The following LRBA variants were observed in gnomAD, a reference collection of about 807,000 sequenced individuals.
LRBA encodes the protein LPS responsive beige-like anchor protein.
In LRBA, 176 loss-of-function variants were observed where a neutral mutation model predicts 330.0. The ratio of observed to expected loss-of-function variants is 0.53; its 90% CI spans 0.47 to 0.60. The LOEUF (loss-of-function observed/expected upper bound fraction) is 0.60. Among genes scored for constraint, LRBA ranks in the 20% least tolerant of loss-of-function variants. The pLI is 0.00. For synonymous variants in LRBA, 1,230 were observed against 1,193.0 expected (o/e 1.03, Z -0.64); for missense variants, 3,259 against 3,444.8 (o/e 0.95, Z 1.35).
At chr4:150,693,550 C>T (rs1302591881) in intron 36 of LRBA, among the ~76,000 whole-genome samples, 2 of 110,590 alleles carry the variant, frequency 1.8e-5, no homozygotes, top group Admixed American at 1.1e-4. Context: ...GGTGACAGAG[C>T]GAGACTCCGT....
chr4:150,361,432 A>G (rs1738678821), intron 47 of LRBA, among the ~76,000 whole-genome samples: 1 of 152,074 alleles, frequency 6.6e-6, no homozygotes, highest in African/African-American at 2.4e-5. Flanking sequence ...CAGGCACACC[A>G]CTGAAAATGT....
intron 17 of LRBA, among the ~76,000 whole-genome samples, chr4:150,884,981 A>C (rs1323078206): frequency 6.6e-6 from 1 of 152,126 alleles, no homozygotes; most frequent in Non-Finnish European, 1.5e-5. Flanking sequence ...GACCAAATGG[A>C]AATTCTAGAG....
At position 150,282,513 on chromosome 4, in the gene LRBA, G is replaced by A; in HGVS notation, c.8253C>T (p.Leu2751=). The A allele has an allele frequency of 6.2e-7, 1 of 1,614,148 alleles. No homozygotes were observed. Among genetic ancestry groups the A allele is most frequent in the African/African-American group, 1.3e-5 (1 of 75,046 alleles). The change falls in exon 55 of 57, where the codon CTC becomes CTT. Residue 2751 remains leucine (L), a synonymous_variant. Coordinates refer to ENST00000651943, the MANE Select transcript of LRBA (RefSeq NM_001364905.1). ...TTCCATTCACACTGAATGTACAGAA[G>A]AGGCCGTTTTCATAGAATATGACAC... is the stretch of plus-strand genomic sequence containing the variant. ...GHCVIFYENG[L]FCTFSVNGKL... is the part of the protein sequence containing the mutation.
rs765586022 is a variant in LRBA, at chr4:150,852,197, A to G, written c.3513T>C (p.Thr1171=). 1.7e-5 allele frequency: 27 copies of G among 1,614,128 alleles called. No individual in the cohort carries two copies. The highest frequency in any genetic ancestry group is 5.0e-5 in the Admixed American group (3 of 60,020). The change falls in exon 23 of 57, where the codon ACT becomes ACC. Residue 1171 remains threonine, a synonymous_variant. Coordinates refer to ENST00000651943, the MANE Select transcript of LRBA (RefSeq NM_001364905.1). The stretch of plus-strand genomic sequence containing the variant: ...GAATTCCAGAATCTTTAGAATCTTG[A>G]GTTTCAGTATCAGTTTGCTTTTCAG... The part of the protein sequence containing the change: ...PVTEKQTDTE[T]QDSKDSGIQT...
chr4:150,914,432 T>C (rs1207207953), intron 8 of LRBA, 91 bp from the exon 9 acceptor site: 4 of 857,698 alleles, frequency 4.7e-6, no homozygotes, highest in Non-Finnish European at 5.1e-6. Context: ...GTTTTGTCCA[T>C]TCTAAACTGT....
chr4:150,592,776 T>C (rs768750310), intron 38 of LRBA, among the ~76,000 whole-genome samples: 9 of 152,150 alleles, frequency 5.9e-5, no homozygotes, highest in Non-Finnish European at 1.2e-4. Flanking sequence ...CACAGGTGCT[T>C]GCCACCATGC....
At chr4:150,327,474 G>A (rs1733441599) in intron 48 of LRBA, among the ~76,000 whole-genome samples, 1 of 152,134 alleles carries the variant, frequency 6.6e-6, no homozygotes, top group Non-Finnish European at 1.5e-5. Flanking sequence ...CTTGACAGTT[G>A]CCTTCTGTGG....
At chr4:151,007,532 G>A (rs1379039284) in intron 2 of LRBA, among the ~76,000 whole-genome samples, 4 of 148,334 alleles carry the variant, frequency 2.7e-5, no homozygotes, top group African/African-American at 9.9e-5. Context: ...AAAAAAAATG[G>A]CACTCTTAAC....
chr4:150,435,764 T>G, intron 45 of LRBA, 56 bp from the exon 46 acceptor site: 1 of 1,460,754 alleles, frequency 6.8e-7, no homozygotes, highest in Non-Finnish European at 9.3e-7. Flanking sequence ...AAAATGTGGT[T>G]TTTATAAATT....
intron 29 of LRBA, among the ~76,000 whole-genome samples, chr4:150,831,528 G>C (rs950821237): frequency 6.6e-6 from 1 of 152,092 alleles, no homozygotes; most frequent in Non-Finnish European, 1.5e-5. Context: ...TAGAATATGA[G>C]TTAGTGATTC....
intron 47 of LRBA, among the ~76,000 whole-genome samples, chr4:150,394,582 T>C (rs1232794918): frequency 2.0e-5 from 3 of 152,112 alleles, no homozygotes; most frequent in African/African-American, 7.2e-5. Context: ...AAAGTACAAC[T>C]GTGATGTCAT....
At chr4:150,544,302 A>G (rs1442749928) in intron 40 of LRBA, among the ~76,000 whole-genome samples, 2 of 151,836 alleles carry the variant, frequency 1.3e-5, no homozygotes, top group East Asian at 1.9e-4. Flanking sequence ...TAATTTTTGT[A>G]TTTTTAGTAG....
At chr4:150,292,231 T>A (rs539948373) in intron 53 of LRBA, among the ~76,000 whole-genome samples, 1 of 152,306 alleles carries the variant, frequency 6.6e-6, no homozygotes, top group South Asian at 2.1e-4. Flanking sequence ...GAGAAGAATA[T>A]TTCATAAGGC....
At chr4:150,392,423 CTTATA>C (rs1304974585) in intron 47 of LRBA, among the ~76,000 whole-genome samples, 1 of 152,118 alleles carries the variant, frequency 6.6e-6, no homozygotes, top group Non-Finnish European at 1.5e-5. Flanking sequence ...GCTGTTTCTT[CTTATA>C]AGAGCACTAA....
intron 44 of LRBA, among the ~76,000 whole-genome samples, chr4:150,445,359 C>CTG: frequency 1.3e-5 from 1 of 75,452 alleles, no homozygotes; most frequent in South Asian, 4.3e-4. Flanking sequence ...CTCTCTCTCT[C>CTG]TCTCTCTCTC....
chr4:150,667,331 G>A (rs10026518), intron 37 of LRBA, among the ~76,000 whole-genome samples: 10,171 of 152,160 alleles, frequency 0.067, 572 homozygotes, highest in East Asian at 0.18. Flanking sequence ...ATAAGAGGGA[G>A]GAAGGAAGGT....
chr4:150,671,000 A>ATGTGTG (rs57937053), intron 37 of LRBA, among the ~76,000 whole-genome samples: 11,441 of 105,986 alleles, frequency 0.11, 575 homozygotes, highest in Admixed American at 0.16. Context: ...AACATAGCTG[A>ATGTGTG]TGTGTGTGTG....
chr4:150,758,656 C>T (rs1734650718), intron 35 of LRBA, among the ~76,000 whole-genome samples: 1 of 151,082 alleles, frequency 6.6e-6, no homozygotes, highest in African/African-American at 2.4e-5. Context: ...TCACTGCAGC[C>T]TCGACCTCCT....
At chr4:150,668,253 G>GC (rs1781739397) in intron 37 of LRBA, among the ~76,000 whole-genome samples, 1 of 152,156 alleles carries the variant, frequency 6.6e-6, no homozygotes. Flanking sequence ...GTCTTCCTTT[G>GC]CAAATTTTAA....
Sources: gnomAD v4.1 joint callset for allele counts (sites outside exome capture counted in the v4.1 genomes callset) on GRCh38, gnomAD v4.1.1 for gene constraint, MANE v1.5 for transcripts, NCBI Gene and HGNC (gene_info 2026-07-23, HGNC 2026-07-21) for gene names.